ACSS3: variants seen among roughly 807,000 people sequenced by gnomAD.
ACSS3 encodes acyl-CoA synthetase short chain family member 3.
In ACSS3, 64 loss-of-function variants were observed where a neutral mutation model predicts 84.2. The ratio of observed to expected loss-of-function variants is 0.76; its 90% CI spans 0.62 to 0.94. The LOEUF (loss-of-function observed/expected upper bound fraction) is 0.94. Ranked by LOEUF, ACSS3 falls within the 40% of genes least tolerant of loss-of-function variation. The pLI, the probability that ACSS3 is intolerant of heterozygous loss-of-function variation, is 0.00. For synonymous variants in ACSS3, 317 were observed against 310.1 expected (o/e 1.02, Z -0.23); for missense variants, 815 against 867.6 (o/e 0.94, Z 0.76).
intron 1 of ACSS3, among the ~76,000 whole-genome samples, chr12:81,086,419 C>T (rs138105060): frequency 3.3e-4 from 50 of 152,258 alleles, no homozygotes; most frequent in African/African-American, 1.1e-3. Context: ...AGGTCAGCAG[C>T]TTGGTACTGT....
intron 8 of ACSS3, among the ~76,000 whole-genome samples, chr12:81,183,757 A>G (rs2031086203): frequency 6.6e-6 from 1 of 152,132 alleles, no homozygotes; most frequent in African/African-American, 2.4e-5. Flanking sequence ...ACCACTGTAA[A>G]TATTTATACA....
chr12:81,085,950 T>C (rs1004297101), intron 1 of ACSS3, among the ~76,000 whole-genome samples: 9 of 152,194 alleles, frequency 5.9e-5, no homozygotes, highest in Non-Finnish European at 7.3e-5. Context: ...GTACTTTATC[T>C]TGTAATCGCA....
chr12:81,235,267 T>C (rs567821465), intron 13 of ACSS3, among the ~76,000 whole-genome samples: 1 of 151,390 alleles, frequency 6.6e-6, no homozygotes, highest in East Asian at 1.9e-4. Flanking sequence ...ATCTTTCTAT[T>C]TCATTGATCT....
rs142260208 is a variant in ACSS3, at chr12:81,253,814, G to T, written c.1995+144G>T. 2.5e-5 allele frequency: 21 copies of T among 834,960 alleles called. No individual in the cohort carries two copies. In the East Asian group the frequency reaches 5.3e-4, roughly 21 times the overall value. 51.7% of individuals were successfully genotyped at this position (834,960 alleles called of 1,614,324 possible). ...ATAGTACTATTTTTTAATGTTAAGG[G>T]AGAGATTATATAGCCATTCCTTCTG... is the stretch of plus-strand genomic sequence containing the variant. On this transcript the variant is annotated intron_variant, in intron 15 of 15. Coordinates refer to ENST00000548058, the MANE Select transcript of ACSS3 (RefSeq NM_024560.4).
chr12:81,203,956 G>A (rs953707798), intron 9 of ACSS3, among the ~76,000 whole-genome samples: 6 of 152,072 alleles, frequency 3.9e-5, no homozygotes, highest in African/African-American at 1.4e-4. Flanking sequence ...AAAGATAATG[G>A]TTTCATTAAA....
chr12:81,187,948 C>T (rs2031363483), intron 8 of ACSS3, among the ~76,000 whole-genome samples: 1 of 151,858 alleles, frequency 6.6e-6, no homozygotes, highest in Admixed American at 6.6e-5. Context: ...TTTAAATCCT[C>T]TAATGATGTA....
intron 5 of ACSS3, among the ~76,000 whole-genome samples, chr12:81,150,904 G>A (rs1337853220): frequency 6.6e-6 from 1 of 152,128 alleles, no homozygotes; most frequent in African/African-American, 2.4e-5. Context: ...CATAAGAGCA[G>A]TTATAATTGT....
At chr12:81,115,418 T>C (rs1015552440) in intron 2 of ACSS3, among the ~76,000 whole-genome samples, 3 of 152,122 alleles carry the variant, frequency 2.0e-5, no homozygotes, top group African/African-American at 7.2e-5. Context: ...TGATGACAAA[T>C]GAAGTTGAAC....
chr12:81,217,051 T>A, intron 10 of ACSS3, 55 bp downstream of exon 10: 1 of 1,418,222 alleles, frequency 7.1e-7, no homozygotes, highest in Non-Finnish European at 9.9e-7. Flanking sequence ...TTTTCTTGCA[T>A]CTAGTGTGTA....
At chr12:81,207,316 C>T (rs1478477127) in intron 9 of ACSS3, among the ~76,000 whole-genome samples, 1 of 152,146 alleles carries the variant, frequency 6.6e-6, no homozygotes, top group Admixed American at 6.6e-5. Flanking sequence ...TTCCCAATTC[C>T]TCTTTTGCTG....
Position 81,252,094 on chromosome 12 carries a change from T to A in ACSS3, c.1720-1213T>A, listed in dbSNP as rs370440927. Among the ~76,000 whole-genome samples the A allele has an allele frequency of 1.5e-4, 23 of 152,130 alleles. No individual in the cohort carries two copies. In the East Asian group the frequency reaches 4.1e-3, roughly 27 times the overall value. ...GTGCCTATGAAGTCCTTCCCCAGGG[T>A]TTTTGCCCCAACCCCTTCTCCTTGC... On this transcript the variant is annotated intron_variant, in intron 13 of 15. Coordinates refer to ENST00000548058, the MANE Select transcript of ACSS3 (RefSeq NM_024560.4).
chr12:81,129,598 T>G, intron 2 of ACSS3, among the ~76,000 whole-genome samples: 1 of 72,752 alleles, frequency 1.4e-5, no homozygotes, highest in East Asian at 5.7e-4. Context: ...TGACCTGCGA[T>G]TTTGAGATCT....
chr12:81,099,393 A>G (rs1297865084), intron 1 of ACSS3, among the ~76,000 whole-genome samples: 1 of 152,200 alleles, frequency 6.6e-6, no homozygotes, highest in Non-Finnish European at 1.5e-5. Flanking sequence ...TTTAATAATA[A>G]ATACATGCAA....
chr12:81,096,292 A>G (rs764744736), intron 1 of ACSS3, among the ~76,000 whole-genome samples: 6 of 152,156 alleles, frequency 3.9e-5, no homozygotes, highest in Admixed American at 6.5e-5. Flanking sequence ...ATTACATTTC[A>G]CATTTATTCA....
chr12:81,081,973 C>T (rs976037541), intron 1 of ACSS3, among the ~76,000 whole-genome samples: 5 of 152,144 alleles, frequency 3.3e-5, no homozygotes, highest in Admixed American at 2.0e-4. Flanking sequence ...ATCATTCACC[C>T]ACTGCATGTA....
intron 11 of ACSS3, among the ~76,000 whole-genome samples, chr12:81,225,753 A>G (rs1172984232): frequency 6.6e-6 from 1 of 151,962 alleles, no homozygotes; most frequent in Non-Finnish European, 1.5e-5. Flanking sequence ...ATCATAGTTT[A>G]TATCCTTGTA....
intron 1 of ACSS3, among the ~76,000 whole-genome samples, chr12:81,092,923 C>T (rs1405635305): frequency 2.2e-4 from 34 of 152,036 alleles, no homozygotes; most frequent in Non-Finnish European, 8.8e-5. Flanking sequence ...TTTTGCTTAG[C>T]ATTAAAGTTA....
chr12:81,157,557 C>T lies in ACSS3; in HGVS notation c.1098+5461C>T, dbSNP rs565334012. Among the ~76,000 whole-genome samples the T allele has an allele frequency of 3.9e-5, 6 of 152,234 alleles. No individual in the cohort carries two copies. The East Asian group carries it at 9.7e-4, about 25-fold the overall frequency. On this transcript the variant is annotated intron_variant, in intron 7 of 15. Transcript: ENST00000548058. The stretch of plus-strand genomic sequence containing the variant: ...GGCGCGGTGGCTCACGCCTGTAATC[C>T]CAGCACTTTGGGAGGTCAAGGCGGG...
rs1200550289 is a variant in ACSS3 at position 81,172,492 on chromosome 12, G to A, written c.1099-2296G>A. 2.0e-5 allele frequency among the ~76,000 whole-genome samples: 3 copies of A among 151,516 alleles called. No individual in the cohort carries two copies. In the East Asian group the frequency reaches 5.9e-4, roughly 30 times the overall value. ...GCTGTAGTATTTCGGGCATGCACCT[G>A]TGTCTTTCTGGCGTGCACCTGTAGT... On this transcript the variant is annotated intron_variant, in intron 7 of 15. Coordinates refer to ENST00000548058, the MANE Select transcript of ACSS3 (RefSeq NM_024560.4).
Sources: gnomAD v4.1 joint callset for allele counts (sites outside exome capture counted in the v4.1 genomes callset) on GRCh38, gnomAD v4.1.1 for gene constraint, MANE v1.5 for transcripts, NCBI Gene and HGNC (gene_info 2026-07-23, HGNC 2026-07-21) for gene names.